The following DOC2B variants were observed in gnomAD, a reference collection of about 807,000 sequenced individuals.
DOC2B encodes double C2-like domain-containing protein beta.
In DOC2B, 21 loss-of-function variants were observed where a neutral mutation model predicts 28.9. The ratio of observed to expected loss-of-function variants is 0.73; its 90% CI spans 0.52 to 1.05. The LOEUF (loss-of-function observed/expected upper bound fraction) is 1.05. Among genes scored for constraint, DOC2B ranks in the 50% least tolerant of loss-of-function variants. The pLI is 0.00. For missense variants in DOC2B, 384 were observed against 421.1 expected (o/e 0.91, Z 0.77); for synonymous variants, 194 against 178.1 (o/e 1.09, Z -0.71).
intron 3 of DOC2B, 136 bp from the exon 4 acceptor site, chr17:162,326 G>A (rs2040214978): frequency 2.9e-6 from 2 of 687,116 alleles, no homozygotes; most frequent in Admixed American, 2.1e-5. Flanking sequence ...GAGGCTGCAG[G>A]TGGACTTAGG....
chr17:162,203 A>T lies in DOC2B; in HGVS notation c.529-13T>A. Reference sequence around the variant, plus strand: ...TGAGCTTATTTGCCTGGAGAAGAGAAAAATGATCTTATTAGCATCAAAGTG... The same window carrying T: ...TGAGCTTATTTGCCTGGAGAAGAGATAAATGATCTTATTAGCATCAAAGTG... On this transcript the variant is annotated splice_polypyrimidine_tract_variant and intron_variant, in intron 3 of 8. Coordinates refer to ENST00000613549, the MANE Select transcript of DOC2B (RefSeq NM_003585.5). 8 of 1,534,488 alleles carry T rather than the reference A, an allele frequency of 5.2e-6. No homozygotes were observed. Among genetic ancestry groups the T allele is most frequent in the Non-Finnish European group, 7.1e-6 (8 of 1,131,308 alleles).
At chr17:177,618 G>A (rs78727535) in intron 1 of DOC2B, among the ~76,000 whole-genome samples, 2,368 of 152,298 alleles carry the variant, frequency 0.016, 51 homozygotes, top group African/African-American at 0.054. Flanking sequence ...CCCTCGCTGT[G>A]GGGTCACCTG....
In DOC2B at chr17:143,409, A is replaced by T. The variant is rs1242917766; in HGVS notation, c.*4032T>A. On this transcript the variant is annotated 3_prime_UTR_variant, in exon 9 of 9. Transcript: ENST00000613549. ...CGGTGGCGTGATCTCGGCTCACTGC[A>T]ATCCCCACTTTCCAGGCTCAAGCGA... is the stretch of plus-strand genomic sequence containing the variant. The T allele has an allele frequency of 7.0e-6, 1 of 143,420 alleles. No individual in the cohort carries two copies. Among genetic ancestry groups the T allele is most frequent in the Non-Finnish European group, 1.5e-5 (1 of 67,200 alleles). The allele number at this position is 143,420 out of a possible 1,614,324, so 8.9% of individuals were successfully genotyped here.
chr17:178,437 T>G (rs570853809), intron 1 of DOC2B, among the ~76,000 whole-genome samples: 1 of 152,364 alleles, frequency 6.6e-6, no homozygotes, highest in African/African-American at 2.4e-5. Context: ...CTTTGAAGAA[T>G]GGACTGGGCT....
chr17:175,526 C>T (rs1483041620), intron 1 of DOC2B, among the ~76,000 whole-genome samples: 2 of 152,256 alleles, frequency 1.3e-5, no homozygotes, highest in African/African-American at 4.8e-5. Flanking sequence ...TCAGGCCTAC[C>T]TGGGGTTTGT....
intron 5 of DOC2B, among the ~76,000 whole-genome samples, chr17:160,173 C>T (rs1597823407): frequency 6.6e-6 from 1 of 152,014 alleles, no homozygotes; most frequent in Non-Finnish European, 1.5e-5. Context: ...TTAGCAGAGA[C>T]GGGGTTTCGC....
chr17:180,017 C>T (rs144324384), intron 1 of DOC2B, among the ~76,000 whole-genome samples: 10 of 152,346 alleles, frequency 6.6e-5, no homozygotes, highest in Non-Finnish European at 1.5e-4. Context: ...AGCCCACAGG[C>T]CCTGGTGAGT....
At chr17:172,041 A>G (rs2040318080) in intron 2 of DOC2B, among the ~76,000 whole-genome samples, 2 of 152,050 alleles carry the variant, frequency 1.3e-5, no homozygotes, top group Non-Finnish European at 2.9e-5. Flanking sequence ...CCACAACCCC[A>G]GCCCACGTAG....
At chr17:159,761 A>G (rs1009415407) in intron 5 of DOC2B, among the ~76,000 whole-genome samples, 1 of 152,114 alleles carries the variant, frequency 6.6e-6, no homozygotes, top group Non-Finnish European at 1.5e-5. Flanking sequence ...CGCCCTGATC[A>G]TGGCCACGCA....
At position 166,648 on chromosome 17, in the gene DOC2B, A is replaced by G. The variant is rs141951170; in HGVS notation, c.454-2444T>C. Among the ~76,000 whole-genome samples the G allele has an allele frequency of 4.1e-4, 63 of 152,156 alleles. 1 individual carries two copies. The East Asian group carries it at 0.011, about 27-fold the overall frequency. On this transcript the variant is annotated intron_variant, in intron 2 of 8. Transcript: ENST00000613549. ...GTCTCACGAGATCTGATGATCTGACACTGTTCTTGAGGTAGTGAATACGTC... is the reference window on the plus strand; with the variant it reads ...GTCTCACGAGATCTGATGATCTGACGCTGTTCTTGAGGTAGTGAATACGTC...
chr17:153,687 T>G (rs1226051517), intron 6 of DOC2B, among the ~76,000 whole-genome samples: 1 of 150,284 alleles, frequency 6.7e-6, no homozygotes, highest in Non-Finnish European at 1.5e-5. Flanking sequence ...GGCAACAGAG[T>G]AAGACTCTGT....
Position 147,324 on chromosome 17 carries a change from C to T in DOC2B, c.*117G>A, listed in dbSNP as rs889063647. The T allele has an allele frequency of 7.5e-6, 3 of 397,422 alleles. No homozygotes were observed. Among genetic ancestry groups the T allele is most frequent in the Non-Finnish European group, 1.3e-5 (3 of 225,582 alleles). The allele number at this position is 397,422 out of a possible 1,614,324, so 24.6% of individuals were successfully genotyped here. ...GGACTGCAGTGGCTCTGTGTCCAAG[C>T]AGGGGTTCTGGATCTCCCCCAGTGT... On this transcript the variant is annotated 3_prime_UTR_variant, in exon 9 of 9. Coordinates refer to ENST00000613549, the MANE Select transcript of DOC2B (RefSeq NM_003585.5).
rs2039996068 is a variant in DOC2B, at chr17:143,178, A to C, written c.*4263T>G. On this transcript the variant is annotated 3_prime_UTR_variant, in exon 9 of 9. Coordinates refer to ENST00000613549, the MANE Select transcript of DOC2B (RefSeq NM_003585.5). ...TCGACCAGCCGTGTGATTCTGTAAA[A>C]GTATTTTAACCTCTCTGGGCCTTAG... 1 of 152,112 alleles carries C rather than the reference A, an allele frequency of 6.6e-6. No homozygotes were observed. The highest frequency in any genetic ancestry group is 2.4e-5 in the African/African-American group (1 of 41,410). 9.4% of individuals were successfully genotyped at this position (152,112 alleles called of 1,614,324 possible).
chr17:179,398 C>A (rs867642549), intron 1 of DOC2B, among the ~76,000 whole-genome samples: 214 of 138,886 alleles, frequency 1.5e-3, no homozygotes, highest in Admixed American at 2.4e-3. Context: ...TCAGAGACAG[C>A]AAAAAAAAGA....
chr17:147,230 G>C lies in DOC2B; in HGVS notation c.*211C>G, dbSNP rs924064363. The C allele has an allele frequency of 2.5e-6, 1 of 392,668 alleles. No individual in the cohort carries two copies. The allele number at this position is 392,668 out of a possible 1,614,324, so 24.3% of individuals were successfully genotyped here. ...GGCCTCTTGGGCCCCAGAGAGCTGA[G>C]AGCCCCCCACCCCAGCTCCTTGCCC... On this transcript the variant is annotated 3_prime_UTR_variant, in exon 9 of 9. Transcript: ENST00000613549.
chr17:180,013 C>A (rs559969705), intron 1 of DOC2B, among the ~76,000 whole-genome samples: 2 of 152,364 alleles, frequency 1.3e-5, no homozygotes, highest in Non-Finnish European at 1.5e-5. Context: ...CCGCAGCCCA[C>A]AGGCCCTGGT....
In DOC2B at chr17:172,572, T is replaced by A. The variant is rs1398893388; in HGVS notation, c.418A>T (p.Asn140Tyr). ...GTGATGGTGCAGTGGAGGGCGTTGTTCTCCTGGTCATACAGCAGGCTGAAG... is the reference window on the plus strand; with the variant it reads ...GTGATGGTGCAGTGGAGGGCGTTGTACTCCTGGTCATACAGCAGGCTGAAG... ...LDFSLLYDQE[N>Y]NALHCTITKA... The change falls in exon 2 of 9, where the codon AAC becomes TAC. Residue 140 changes from asparagine (N) to tyrosine (Y), a missense_variant. Physicochemically the swap from Asn to Tyr is moderately radical, Grantham distance 143. Coordinates refer to ENST00000613549, the MANE Select transcript of DOC2B (RefSeq NM_003585.5). 1.3e-6 allele frequency: 2 copies of A among 1,550,672 alleles called. No homozygotes were observed. Among genetic ancestry groups the A allele is most frequent in the Non-Finnish European group, 1.7e-6 (2 of 1,146,516 alleles).
intron 5 of DOC2B, among the ~76,000 whole-genome samples, chr17:160,003 A>C (rs866132317): frequency 6.9e-6 from 1 of 145,154 alleles, no homozygotes; most frequent in South Asian, 2.2e-4. Context: ...TTTGAGACAG[A>C]GTCTTGCTCT....
At chr17:179,051 C>T (rs1376596709) in intron 1 of DOC2B, among the ~76,000 whole-genome samples, 2 of 152,208 alleles carry the variant, frequency 1.3e-5, no homozygotes, top group Non-Finnish European at 2.9e-5. Flanking sequence ...TAGGGTGGGG[C>T]CCCCCTCGAA....
Sources: gnomAD v4.1 joint callset for allele counts (sites outside exome capture counted in the v4.1 genomes callset) on GRCh38, gnomAD v4.1.1 for gene constraint, MANE v1.5 for transcripts, NCBI Gene and HGNC (gene_info 2026-07-23, HGNC 2026-07-21) for gene names.